RNF180: variants seen among roughly 807,000 people sequenced by gnomAD.
The protein encoded by RNF180 is ring finger protein 180.
RNF180 carries 38 observed loss-of-function variants against 59.2 expected under a neutral mutation model. That is an observed-to-expected ratio of 0.64 (90% CI 0.50 to 0.84). The LOEUF (loss-of-function observed/expected upper bound fraction) is 0.84, where lower values mean the gene tolerates loss of function less well. Among genes scored for constraint, RNF180 ranks in the 40% least tolerant of loss-of-function variants. The pLI is 0.00. For missense variants in RNF180, 705 were observed against 700.9 expected (o/e 1.01, Z -0.07); for synonymous variants, 262 against 240.3 (o/e 1.09, Z -0.84).
chr5:64,178,202 C>CAAAAAA (rs67465847), intron 1 of RNF180, among the ~76,000 whole-genome samples: 7 of 86,830 alleles, frequency 8.1e-5, no homozygotes, highest in Non-Finnish European at 9.5e-5. Flanking sequence ...GACTCCATCT[C>CAAAAAA]AAAAAAAAAA....
At chr5:64,234,967 C>T (rs1742345063) in intron 5 of RNF180, among the ~76,000 whole-genome samples, 1 of 151,932 alleles carries the variant, frequency 6.6e-6, no homozygotes, top group African/African-American at 2.4e-5. Flanking sequence ...AGGGCTATGC[C>T]ATAATGTTAA....
chr5:64,305,557 G>T (rs1055707522), intron 5 of RNF180, among the ~76,000 whole-genome samples: 1 of 151,446 alleles, frequency 6.6e-6, no homozygotes, highest in African/African-American at 2.4e-5. Context: ...TGCGTCACCA[G>T]TGTATGAGTT....
rs1554038848 is a variant in RNF180 at position 64,276,374 on chromosome 5, G to GGGGTGT, written c.1228-48811_1228-48810insGGTGTG. ...TGTGTGTGTGTACAAAAACCACATT[G>GGGGTGT]GTGTGTGTGTGTGTGTGTTTATTTA... On this transcript the variant is annotated intron_variant, in intron 5 of 7. Transcript: ENST00000389100. Among the ~76,000 whole-genome samples the GGGGTGT allele has an allele frequency of 2.1e-5, 3 of 145,352 alleles. 1 individual carries two copies. Among genetic ancestry groups the GGGGTGT allele is most frequent in the South Asian group, 4.4e-4 (2 of 4,574 alleles).
chr5:64,328,582 C>A (rs901434792), intron 6 of RNF180, among the ~76,000 whole-genome samples: 1 of 152,180 alleles, frequency 6.6e-6, no homozygotes, highest in Admixed American at 6.5e-5. Context: ...TTTTCTCTAA[C>A]TTGTATGCTG....
rs141494910 is a variant in RNF180 at position 64,342,213 on chromosome 5, C to T, written c.1579+11807C>T. Among the ~76,000 whole-genome samples the T allele has an allele frequency of 6.6e-4, 101 of 152,214 alleles. 1 individual carries two copies. The East Asian group carries it at 0.018, about 27-fold the overall frequency. On this transcript the variant is annotated intron_variant, in intron 7 of 7. Coordinates refer to ENST00000389100, the MANE Select transcript of RNF180 (RefSeq NM_001113561.2). ...GGGGGAAATTATAAGTTACAAAAAT[C>T]ACATTTACAAACAAATTTGAGATAT...
At chr5:64,217,667 G>A (rs1003771716) in intron 5 of RNF180, 25 of 332,010 alleles carry the variant, frequency 7.5e-5, no homozygotes, top group Non-Finnish European at 1.2e-4. Flanking sequence ...CAAATCTTTT[G>A]GGCTGGTGTG....
At chr5:64,235,888 C>G (rs1742410796) in intron 5 of RNF180, among the ~76,000 whole-genome samples, 1 of 152,212 alleles carries the variant, frequency 6.6e-6, no homozygotes, top group South Asian at 2.1e-4. Context: ...TTTCCTGGGT[C>G]CTCCCTAGCC....
At chr5:64,198,354 T>C (rs943000076) in intron 1 of RNF180, among the ~76,000 whole-genome samples, 5 of 152,148 alleles carry the variant, frequency 3.3e-5, no homozygotes, top group African/African-American at 9.7e-5. Flanking sequence ...AGGAGATTCA[T>C]AGAGAGATGT....
chr5:64,334,672 A>G (rs72752855), intron 7 of RNF180, among the ~76,000 whole-genome samples: 13,967 of 152,180 alleles, frequency 0.092, 767 homozygotes, highest in South Asian at 0.17. Flanking sequence ...AATGGTAGCA[A>G]TGTATATATT....
At chr5:64,297,493 T>A (rs1016330917) in intron 5 of RNF180, among the ~76,000 whole-genome samples, 2 of 152,072 alleles carry the variant, frequency 1.3e-5, no homozygotes, top group Non-Finnish European at 2.9e-5. Flanking sequence ...TTATTTTAAA[T>A]TTTTAAATTT....
At chr5:64,247,229 T>C (rs1743239391) in intron 5 of RNF180, among the ~76,000 whole-genome samples, 1 of 152,068 alleles carries the variant, frequency 6.6e-6, no homozygotes, top group African/African-American at 2.4e-5. Context: ...CTCTCACCAC[T>C]CCGATTCAGT....
At chr5:64,237,943 T>A (rs190249302) in intron 5 of RNF180, among the ~76,000 whole-genome samples, 9 of 152,310 alleles carry the variant, frequency 5.9e-5, no homozygotes, top group Admixed American at 5.2e-4. Context: ...GGGGCCTCCC[T>A]AGCTATGTGG....
intron 5 of RNF180, among the ~76,000 whole-genome samples, chr5:64,257,664 CTT>C (rs1208768893): frequency 6.6e-6 from 1 of 152,080 alleles, no homozygotes; most frequent in East Asian, 1.9e-4. Context: ...CTAAAATTCT[CTT>C]TTTTGTGTGT....
intron 5 of RNF180, among the ~76,000 whole-genome samples, chr5:64,239,648 A>G (rs1742677294): frequency 6.6e-6 from 1 of 152,140 alleles, no homozygotes; most frequent in Non-Finnish European, 1.5e-5. Context: ...ACAGTTTAAA[A>G]TCAGCGATTT....
Position 64,192,919 on chromosome 5 carries a change from A to G in RNF180, c.1-7889A>G, listed in dbSNP as rs1332152389. On this transcript the variant is annotated intron_variant, in intron 1 of 7. Coordinates refer to ENST00000389100, the MANE Select transcript of RNF180 (RefSeq NM_001113561.2). ...GTGTGGCATGTATATATATATATAT[A>G]TATATATATATATATATATAAAATG... is the stretch of plus-strand genomic sequence containing the variant. 4.9e-4 allele frequency among the ~76,000 whole-genome samples: 68 copies of G among 139,192 alleles called. 3 individuals are homozygous for G. Among genetic ancestry groups the G allele is most frequent in the African/African-American group, 1.8e-3 (66 of 36,300 alleles). The allele number at this position is 139,192 out of a possible 152,430, so 91.3% of individuals were successfully genotyped here.
intron 7 of RNF180, among the ~76,000 whole-genome samples, chr5:64,369,319 G>A (rs1453675303): frequency 1.3e-5 from 2 of 151,884 alleles, no homozygotes; most frequent in Non-Finnish European, 2.9e-5. Flanking sequence ...GTGGGGTGGG[G>A]CGAGTGGGAA....
chr5:64,206,405 G>C (rs1482191757), intron 2 of RNF180, among the ~76,000 whole-genome samples: 2 of 152,174 alleles, frequency 1.3e-5, no homozygotes, highest in Non-Finnish European at 2.9e-5. Flanking sequence ...ACTGATGAAT[G>C]TTGAATTGAT....
chr5:64,298,441 A>G (rs774137166), intron 5 of RNF180, among the ~76,000 whole-genome samples: 3 of 151,768 alleles, frequency 2.0e-5, no homozygotes, highest in Non-Finnish European at 4.4e-5. Context: ...TCCAGTTTCA[A>G]TTTTCTGCAT....
chr5:64,297,130 A>G (rs1436882453), intron 5 of RNF180, among the ~76,000 whole-genome samples: 1 of 152,122 alleles, frequency 6.6e-6, no homozygotes, highest in Non-Finnish European at 1.5e-5. Context: ...ACTGAAAATA[A>G]AGTAATAAAT....
Sources: allele counts gnomAD v4.1 joint callset (sites outside exome capture counted in the v4.1 genomes callset), GRCh38; gene constraint gnomAD v4.1.1; transcripts MANE v1.5; gene names NCBI Gene and HGNC (gene_info 2026-07-23, HGNC 2026-07-21).